The following JDP2 variants were observed in gnomAD, a reference collection of about 807,000 sequenced individuals.
JDP2 encodes progesterone receptor co-activator.
A neutral mutation model predicts 17.1 loss-of-function variants in JDP2; 9 were observed. The ratio of observed to expected loss-of-function variants is 0.53; its 90% CI spans 0.32 to 0.92. JDP2 has a LOEUF of 0.92. JDP2 is among the 40% of genes least tolerant of loss of function. JDP2 has a pLI of 0.04. For missense variants in JDP2, 179 were observed against 220.0 expected, an observed-to-expected ratio of 0.81 and a Z score of 1.18; for synonymous variants, 107 against 95.6, an observed-to-expected ratio of 1.12 and a Z score of -0.69.
chr14:75,440,901 G>C (rs1416758667), intron 2 of JDP2, among the ~76,000 whole-genome samples: 3 of 152,242 alleles, frequency 2.0e-5, no homozygotes, highest in African/African-American at 7.2e-5. Context: ...AAGGTCACTG[G>C]CTGGGAAATG....
intron 2 of JDP2, among the ~76,000 whole-genome samples, chr14:75,458,418 C>T (rs10138083): frequency 1.0e-3 from 153 of 152,018 alleles, no homozygotes; most frequent in African/African-American, 2.4e-3. Context: ...GAGAACATGC[C>T]GTATTTGGTT....
At chr14:75,441,195 A>G (rs1885334626) in intron 2 of JDP2, among the ~76,000 whole-genome samples, 1 of 152,176 alleles carries the variant, frequency 6.6e-6, no homozygotes, top group African/African-American at 2.4e-5. Flanking sequence ...CAGCTCTGTC[A>G]GAGCTGGTTC....
chr14:75,436,482 C>T (rs1297512624), intron 1 of JDP2, among the ~76,000 whole-genome samples: 1 of 152,208 alleles, frequency 6.6e-6, no homozygotes, highest in Non-Finnish European at 1.5e-5. Context: ...ATTTTATGGC[C>T]CTGGGCAGAA....
rs1461644728 is a variant in JDP2 at position 75,430,714 on chromosome 14, C to T, written c.-24+2462C>T. Among the ~76,000 whole-genome samples, 3 of 152,016 alleles carry T rather than the reference C, an allele frequency of 2.0e-5. No homozygotes were observed. The highest frequency in any genetic ancestry group is 4.8e-5 in the African/African-American group (2 of 41,376). On this transcript the variant is annotated intron_variant, in intron 1 of 3. Transcript: ENST00000651602. The surrounding 1 kb of genome is among the most constrained non-coding windows in gnomAD (Gnocchi z 4.5). ...TGTTGCTTGTCTTGGCAGTCGGTTC[C>T]GTGGCTTGTATTACCAGCTCTGGAA... is the stretch of plus-strand genomic sequence containing the variant.
At chr14:75,439,107 TGAAGTGCTG>T (rs938002454) in intron 2 of JDP2, among the ~76,000 whole-genome samples, 3 of 152,072 alleles carry the variant, frequency 2.0e-5, no homozygotes, top group African/African-American at 4.8e-5. Flanking sequence ...CTCGGAGGGC[TGAAGTGCTG>T]GAAGTGCTGG....
At chr14:75,433,161 C>CTCCAG (rs1305776833) in intron 1 of JDP2, among the ~76,000 whole-genome samples, 1 of 123,860 alleles carries the variant, frequency 8.1e-6, no homozygotes, top group Non-Finnish European at 1.6e-5. Context: ...CACCACCGCA[C>CTCCAG]TCCAGCCTGG....
rs551747302 is a variant in JDP2 at position 75,435,240 on chromosome 14, C to T, written c.-23-2658C>T. 2.0e-5 allele frequency among the ~76,000 whole-genome samples: 3 copies of T among 152,348 alleles called. No individual in the cohort carries two copies. In the South Asian group the frequency reaches 6.2e-4, roughly 32 times the overall value. ...GCATTGCAGGTTCCATTCCAGAGGG[C>T]TGAGAGGGAGCTCTCTTACTGCCAC... On this transcript the variant is annotated intron_variant, in intron 1 of 3. Transcript: ENST00000651602.
At chr14:75,457,546 G>A (rs1284716220) in intron 2 of JDP2, among the ~76,000 whole-genome samples, 2 of 152,242 alleles carry the variant, frequency 1.3e-5, no homozygotes, top group Non-Finnish European at 2.9e-5. Context: ...GTTTCAATGG[G>A]GAAGGTATGA....
At position 75,450,819 on chromosome 14, in the gene JDP2, C is replaced by G. The variant is rs373580252; in HGVS notation, c.202-10607C>G. Among the ~76,000 whole-genome samples, 22 of 152,320 alleles carry G rather than the reference C, an allele frequency of 1.4e-4. No individual in the cohort carries two copies. The East Asian group carries it at 2.1e-3, about 15-fold the overall frequency. ...AGATGCAGACTTTGCCCTCGTGGAA[C>G]TCCCAGTTTAATGGAGGAGTCAGAA... On this transcript the variant is annotated intron_variant, in intron 2 of 3. Coordinates refer to ENST00000651602, the MANE Select transcript of JDP2 (RefSeq NM_001135048.2).
Position 75,460,076 on chromosome 14 carries a change from A to G in JDP2, c.202-1350A>G, listed in dbSNP as rs79971022. 6.9e-3 allele frequency among the ~76,000 whole-genome samples: 1,056 copies of G among 152,368 alleles called. 12 individuals are homozygous for G. The highest frequency in any genetic ancestry group is 0.023 in the African/African-American group (952 of 41,586). ...GGATTAAATGACATGTGTTTAAAGC[A>G]TTTATCAAAGTAGGCAACAAATGGC... On this transcript the variant is annotated intron_variant, in intron 2 of 3. Coordinates refer to ENST00000651602, the MANE Select transcript of JDP2 (RefSeq NM_001135048.2).
chr14:75,429,975 G>T (rs372664122), intron 1 of JDP2, among the ~76,000 whole-genome samples: 3 of 151,906 alleles, frequency 2.0e-5, no homozygotes, highest in African/African-American at 7.3e-5. Flanking sequence ...TTTTCTCCTA[G>T]GTTGGCTGCA....
At chr14:75,437,736 C>G (rs1036107141) in intron 1 of JDP2, among the ~76,000 whole-genome samples, 162 bp from the exon 2 acceptor site, 2 of 152,242 alleles carry the variant, frequency 1.3e-5, no homozygotes, top group South Asian at 2.1e-4. Flanking sequence ...AACTTTTCCT[C>G]TATAACAGGA....
At chr14:75,468,521 A>C (rs1008897300) in intron 3 of JDP2, among the ~76,000 whole-genome samples, 7 of 152,200 alleles carry the variant, frequency 4.6e-5, no homozygotes, top group African/African-American at 1.7e-4. Flanking sequence ...TACACGATGG[A>C]CATGTAACCC....
chr14:75,449,017 G>A lies in JDP2; in HGVS notation c.201+10896G>A, dbSNP rs142723565. 2.3e-3 allele frequency among the ~76,000 whole-genome samples: 344 copies of A among 152,304 alleles called. 2 individuals are homozygous for A. Among genetic ancestry groups the A allele is most frequent in the African/African-American group, 7.6e-3 (317 of 41,554 alleles). ...GGGCCAGATATCCCTGGCTGTGAAC[G>A]GTTTGGCCCTTTCACCTCGGTAGGG... On this transcript the variant is annotated intron_variant, in intron 2 of 3. Transcript: ENST00000651602.
intron 2 of JDP2, among the ~76,000 whole-genome samples, chr14:75,450,673 G>A (rs770021390): frequency 6.6e-6 from 1 of 152,214 alleles, no homozygotes; most frequent in Non-Finnish European, 1.5e-5. Context: ...GAAGTGAAGT[G>A]GAAAGAACCT....
chr14:75,467,702 G>A (rs1055812789), intron 3 of JDP2, among the ~76,000 whole-genome samples: 2 of 152,106 alleles, frequency 1.3e-5, no homozygotes, highest in Non-Finnish European at 2.9e-5. Flanking sequence ...CCAGCCCGAG[G>A]GCTCACAGGC....
intron 2 of JDP2, among the ~76,000 whole-genome samples, chr14:75,440,876 G>A (rs1473501639): frequency 1.3e-5 from 2 of 152,356 alleles, no homozygotes; most frequent in Middle Eastern, 3.4e-3. Flanking sequence ...AGGTCAACAA[G>A]GCTGAGGGAG....
intron 3 of JDP2, among the ~76,000 whole-genome samples, chr14:75,468,507 C>CT (rs1886667229): frequency 6.6e-6 from 1 of 151,898 alleles, no homozygotes; most frequent in Non-Finnish European, 1.5e-5. Flanking sequence ...GCCCATCTCC[C>CT]ATCTACACGA....
rs144532881 is a variant in JDP2, at chr14:75,446,132, A to G, written c.201+8011A>G. ...CTACTTTGCACCCACTAGGATGACTATAGTGAAAAAAAAGAGATAATAACA... is the reference window on the plus strand; with the variant it reads ...CTACTTTGCACCCACTAGGATGACTGTAGTGAAAAAAAAGAGATAATAACA... On this transcript the variant is annotated intron_variant, in intron 2 of 3. Coordinates refer to ENST00000651602, the MANE Select transcript of JDP2 (RefSeq NM_001135048.2). Among the ~76,000 whole-genome samples, 169 of 152,372 alleles carry G rather than the reference A, an allele frequency of 1.1e-3. 1 individual carries two copies. Among genetic ancestry groups the G allele is most frequent in the Admixed American group, 1.8e-3 (28 of 15,302 alleles).
Sources: gnomAD v4.1 joint callset for allele counts (sites outside exome capture counted in the v4.1 genomes callset) on GRCh38, gnomAD v4.1.1 for gene constraint, Gnocchi (gnomAD v3.1) non-coding constraint, MANE v1.5 for transcripts, NCBI Gene and HGNC (gene_info 2026-07-23, HGNC 2026-07-21) for gene names.